The following LYPD6 variants were observed in gnomAD, a reference collection of about 807,000 sequenced individuals.
LYPD6 encodes the protein ly6/PLAUR domain-containing protein 6.
A neutral mutation model predicts 22.7 loss-of-function variants in LYPD6; 15 were observed. The ratio of observed to expected loss-of-function variants is 0.66; its 90% CI spans 0.44 to 1.02. The LOEUF is 1.02. Ranked by LOEUF, LYPD6 falls within the 50% of genes least tolerant of loss-of-function variation. The probability of loss-of-function intolerance (pLI) is 0.00; values close to 1 mark genes in which losing one functional copy is unlikely to be tolerated. For synonymous variants in LYPD6, 72 were observed against 77.5 expected (o/e 0.93, Z 0.37); for missense variants, 189 against 208.4 (o/e 0.91, Z 0.57).
downstream of LYPD6, among the ~76,000 whole-genome samples, chr2:149,477,697 T>G (rs1222261019): frequency 7.3e-6 from 1 of 137,040 alleles, no homozygotes; most frequent in East Asian, 2.2e-4. Flanking sequence ...GAAAAAAGCA[T>G]AGTGGTGTGT....
chr2:149,400,797 G>T (rs1482632784), intron 1 of LYPD6, among the ~76,000 whole-genome samples: 1 of 152,206 alleles, frequency 6.6e-6, no homozygotes, highest in Non-Finnish European at 1.5e-5. Context: ...ATGCTTAAAT[G>T]CACTGTGTGT....
chr2:149,473,844 A>T lies in LYPD6; in HGVS notation c.*2994A>T, dbSNP rs1681399067. The T allele has an allele frequency of 6.6e-6, 1 of 152,226 alleles. No homozygotes were observed. The highest frequency in any genetic ancestry group is 2.4e-5 in the African/African-American group (1 of 41,460). The allele number at this position is 152,226 out of a possible 1,614,324, so 9.4% of individuals were successfully genotyped here. On this transcript the variant is annotated 3_prime_UTR_variant, in exon 5 of 5. Transcript: ENST00000334166. ...AAGTACTGCAGAAAATAAAAGAAGG[A>T]AAGGCTACCAGACTTTTCAATAAGG...
intron 1 of LYPD6, among the ~76,000 whole-genome samples, chr2:149,377,237 T>A (rs780245713): frequency 2.4e-4 from 37 of 151,330 alleles, no homozygotes; most frequent in Non-Finnish European, 4.7e-4. Flanking sequence ...CGGAGTGATG[T>A]TGTCTGTCAG....
intron 1 of LYPD6, among the ~76,000 whole-genome samples, chr2:149,390,549 T>A (rs1682286070): frequency 6.6e-6 from 1 of 152,232 alleles, no homozygotes; most frequent in Admixed American, 6.5e-5. Flanking sequence ...GACAGCTAAC[T>A]TTTTTGGCTT....
intron 1 of LYPD6, among the ~76,000 whole-genome samples, chr2:149,383,092 G>A (rs1682104226): frequency 6.6e-6 from 1 of 152,072 alleles, no homozygotes; most frequent in African/African-American, 2.4e-5. Flanking sequence ...TTTAACTAAA[G>A]TGTGTAATTC....
intron 4 of LYPD6, among the ~76,000 whole-genome samples, chr2:149,469,809 A>G (rs567095819): frequency 6.6e-6 from 1 of 152,302 alleles, no homozygotes; most frequent in African/African-American, 2.4e-5. Context: ...TGACAGGCAC[A>G]GAATTCCAAC....
intron 1 of LYPD6, among the ~76,000 whole-genome samples, chr2:149,404,353 T>C (rs1313933691): frequency 6.6e-6 from 1 of 152,244 alleles, no homozygotes; most frequent in African/African-American, 2.4e-5. Flanking sequence ...TATTGATTCT[T>C]CCTACCCATG....
rs1358869084 is a variant in LYPD6, at chr2:149,448,910, G to A, written c.119-139G>A. 10 of 621,716 alleles carry A rather than the reference G, an allele frequency of 1.6e-5. No individual in the cohort carries two copies. The East Asian group carries it at 2.3e-4, about 14-fold the overall frequency. The allele number at this position is 621,716 out of a possible 1,614,324, so 38.5% of individuals were successfully genotyped here. On this transcript the variant is annotated intron_variant, in intron 2 of 4. Transcript: ENST00000334166. ...AGATGCCCAAGAGTAAAGTTGCTGG[G>A]TCATATGGTAGTTGAAGGTTTAAGA... is the stretch of plus-strand genomic sequence containing the variant.
chr2:149,437,526 CT>C, intron 1 of LYPD6, 111 bp from the exon 2 acceptor site: 2 of 812,980 alleles, frequency 2.5e-6, no homozygotes, highest in Non-Finnish European at 3.8e-6. Context: ...TGTCTACCCA[CT>C]TCCTTGTGCC....
chr2:149,391,368 T>C (rs568783867), intron 1 of LYPD6, among the ~76,000 whole-genome samples: 50 of 152,276 alleles, frequency 3.3e-4, no homozygotes, highest in African/African-American at 1.2e-3. Flanking sequence ...ACTCCCTTTT[T>C]TCCCCCCCGA....
chr2:149,345,098 AC>A (rs1448587926), intron 1 of LYPD6, among the ~76,000 whole-genome samples: 1 of 151,738 alleles, frequency 6.6e-6, no homozygotes, highest in African/African-American at 2.4e-5. Context: ...TCACTGAGAC[AC>A]CCCCCGACCC....
intron 3 of LYPD6, among the ~76,000 whole-genome samples, chr2:149,452,840 C>T (rs1367795382): frequency 6.6e-6 from 1 of 152,178 alleles, no homozygotes; most frequent in Non-Finnish European, 1.5e-5. Flanking sequence ...AAAGCTTTCT[C>T]CTGACTGGAA....
At chr2:149,386,027 G>A (rs1022887809) in intron 1 of LYPD6, among the ~76,000 whole-genome samples, 8 of 152,038 alleles carry the variant, frequency 5.3e-5, no homozygotes, top group Admixed American at 6.6e-5. Context: ...GTAATTAACC[G>A]TTACAATTGC....
chr2:149,409,073 T>G (rs556632977), intron 1 of LYPD6, among the ~76,000 whole-genome samples: 41 of 152,326 alleles, frequency 2.7e-4, no homozygotes, highest in Non-Finnish European at 5.7e-4. Context: ...GGGCTGCTGT[T>G]CAGATTCTTT....
chr2:149,377,502 T>C (rs1681951423), intron 1 of LYPD6, among the ~76,000 whole-genome samples: 1 of 152,118 alleles, frequency 6.6e-6, no homozygotes, highest in African/African-American at 2.4e-5. Flanking sequence ...GCAAAGTGGC[T>C]GGGTGCGGTG....
intron 1 of LYPD6, among the ~76,000 whole-genome samples, chr2:149,378,026 C>G (rs1458910965): frequency 6.6e-6 from 1 of 152,058 alleles, no homozygotes; most frequent in Non-Finnish European, 1.5e-5. Flanking sequence ...CTATGCACCC[C>G]CTAAAGCTGG....
At chr2:149,484,263 G>A in the LYPD6 span, among the ~76,000 whole-genome samples, 2 of 152,220 alleles carry the variant, frequency 1.3e-5, no homozygotes, top group Admixed American at 6.5e-5. Flanking sequence ...CTCTTTTGGT[G>A]TGGACTGATT....
intron 1 of LYPD6, among the ~76,000 whole-genome samples, chr2:149,370,071 C>G (rs920899561): frequency 6.6e-6 from 1 of 152,068 alleles, no homozygotes; most frequent in African/African-American, 2.4e-5. Flanking sequence ...GGAGGGTGAG[C>G]TGCTAAGAAA....
At chr2:149,367,246 A>G (rs780482677) in intron 1 of LYPD6, among the ~76,000 whole-genome samples, 22 of 152,168 alleles carry the variant, frequency 1.4e-4, no homozygotes, top group Non-Finnish European at 2.9e-4. Flanking sequence ...TGAAAGCTCA[A>G]CCGGGAAAGA....
Sources: gnomAD v4.1 joint callset for allele counts (sites outside exome capture counted in the v4.1 genomes callset) on GRCh38, gnomAD v4.1.1 for gene constraint, MANE v1.5 for transcripts, NCBI Gene and HGNC (gene_info 2026-07-23, HGNC 2026-07-21) for gene names.